The following TTC28 variants were observed in gnomAD, a reference collection of about 807,000 sequenced individuals.
TTC28 encodes the protein tetratricopeptide repeat protein 28.
Under a neutral mutation model 198.0 loss-of-function variants are expected in TTC28, and 61 were observed. The ratio of observed to expected loss-of-function variants is 0.31; its 90% CI spans 0.25 to 0.38. TTC28 has a LOEUF of 0.38. TTC28 is among the 10% of genes least tolerant of loss of function. The pLI is 1.00. For synonymous variants in TTC28, 1,171 were observed against 1,297.8 expected, an observed-to-expected ratio of 0.90 and a Z score of 2.10; for missense variants, 2,678 against 3,164.0, an observed-to-expected ratio of 0.85 and a Z score of 3.69.
chr22:28,226,724 G>A (rs571590827), intron 5 of TTC28, among the ~76,000 whole-genome samples: 2 of 152,236 alleles, frequency 1.3e-5, no homozygotes, highest in Non-Finnish European at 2.9e-5. Context: ...ACTGCACCCG[G>A]CTGATGTTGA....
intron 2 of TTC28, among the ~76,000 whole-genome samples, chr22:28,446,780 C>T (rs78918424): frequency 0.016 from 2,420 of 152,174 alleles, 85 homozygotes; most frequent in African/African-American, 0.056. Context: ...TCCTGTATAG[C>T]AATACAAAAA....
At position 28,107,300 on chromosome 22, in the gene TTC28, C is replaced by T. The variant is rs1164131571; in HGVS notation, c.2545G>A (p.Val849Met). ...AAGTAGCCAATGGCTTCTTCCATCA[C>T]ATTCATGTTCATCTTTGTGATGCCC... ...NMGITKMNMN[V>M]MEEAIGYFEQ... Residue 849 changes from valine (V) to methionine (M), a missense_variant, in exon 7 of 23, where the codon GTG (valine) becomes ATG (methionine). Val to Met is a conservative substitution (Grantham distance 21). This residue lies in a region of TTC28 where 775 missense variants were observed against 845.9 expected (regional missense o/e 0.92). Coordinates refer to ENST00000397906, the MANE Select transcript of TTC28 (RefSeq NM_001145418.2). 2 of 1,551,874 alleles carry T rather than the reference C, an allele frequency of 1.3e-6. No individual in the cohort carries two copies. Among genetic ancestry groups the T allele is most frequent in the Admixed American group, 2.0e-5 (1 of 51,018 alleles).
At chr22:27,990,193 G>A (rs1188027704) in intron 20 of TTC28, 186 bp from the exon 21 acceptor site, 3 of 786,328 alleles carry the variant, frequency 3.8e-6, no homozygotes, top group Admixed American at 6.7e-5. Flanking sequence ...TCTGTGGGAA[G>A]CTCATGGGGC....
chr22:28,153,762 A>G (rs756490063), intron 6 of TTC28, among the ~76,000 whole-genome samples: 32 of 152,350 alleles, frequency 2.1e-4, no homozygotes, highest in Non-Finnish European at 4.0e-4. Flanking sequence ...TTCTTTCCAA[A>G]TAAGTTACTT....
At chr22:28,167,706 C>T (rs1381200476) in intron 5 of TTC28, among the ~76,000 whole-genome samples, 2 of 152,134 alleles carry the variant, frequency 1.3e-5, no homozygotes, top group Non-Finnish European at 2.9e-5. Flanking sequence ...AAACCCACAG[C>T]CAATATCATA....
At chr22:28,622,252 G>C (rs530537568) in intron 2 of TTC28, among the ~76,000 whole-genome samples, 1 of 151,974 alleles carries the variant, frequency 6.6e-6, no homozygotes, top group African/African-American at 2.4e-5. Flanking sequence ...AGGGGGAAGG[G>C]GATTCCAGAA....
At chr22:28,132,526 G>A (rs1943083981) in intron 6 of TTC28, among the ~76,000 whole-genome samples, 1 of 152,158 alleles carries the variant, frequency 6.6e-6, no homozygotes, top group Non-Finnish European at 1.5e-5. Flanking sequence ...AGTAAAGTAA[G>A]AGTTAGACTG....
intron 14 of TTC28, among the ~76,000 whole-genome samples, chr22:28,004,597 C>A (rs1937858664): frequency 6.6e-6 from 1 of 152,180 alleles, no homozygotes; most frequent in South Asian, 2.1e-4. Context: ...CCAAATGGGA[C>A]CCCTGTCCAA....
At chr22:28,297,197 G>A (rs757224448) in intron 4 of TTC28, among the ~76,000 whole-genome samples, 4 of 151,914 alleles carry the variant, frequency 2.6e-5, no homozygotes, top group Non-Finnish European at 5.9e-5. Context: ...AGAGGCACTC[G>A]CTTTTTTTTT....
chr22:28,534,672 A>C (rs1234170421), intron 2 of TTC28, among the ~76,000 whole-genome samples: 2 of 152,264 alleles, frequency 1.3e-5, no homozygotes, highest in African/African-American at 4.8e-5. Context: ...CCAAATGTCC[A>C]TCAATGATAG....
At chr22:28,029,458 G>C (rs1938983435) in intron 13 of TTC28, among the ~76,000 whole-genome samples, 1 of 152,176 alleles carries the variant, frequency 6.6e-6, no homozygotes, top group Non-Finnish European at 1.5e-5. Flanking sequence ...TTTAAAGGCA[G>C]GCCTTCAGGC....
intron 12 of TTC28, among the ~76,000 whole-genome samples, chr22:28,081,063 T>A (rs1882998206): frequency 6.6e-6 from 1 of 151,942 alleles, no homozygotes; most frequent in Non-Finnish European, 1.5e-5. Flanking sequence ...TATGTCAGTA[T>A]CATATTGTTT....
chr22:28,206,344 C>T (rs1196084749), intron 5 of TTC28, among the ~76,000 whole-genome samples: 1 of 152,120 alleles, frequency 6.6e-6, no homozygotes, highest in Non-Finnish European at 1.5e-5. Context: ...AAGTTATGGT[C>T]CTACACACCT....
At chr22:28,611,635 T>C (rs1382016822) in intron 2 of TTC28, among the ~76,000 whole-genome samples, 1 of 147,746 alleles carries the variant, frequency 6.8e-6, no homozygotes, top group Non-Finnish European at 1.5e-5. Context: ...ATTAGGTATA[T>C]CTCCCAATGC....
chr22:28,401,288 G>A (rs1453566299), intron 2 of TTC28, among the ~76,000 whole-genome samples: 1 of 152,066 alleles, frequency 6.6e-6, no homozygotes, highest in East Asian at 1.9e-4. Context: ...TTTTCAGTGG[G>A]CTAAAGTCTC....
chr22:28,062,016 G>A (rs1373328435), intron 12 of TTC28, among the ~76,000 whole-genome samples: 1 of 151,950 alleles, frequency 6.6e-6, no homozygotes, highest in African/African-American at 2.4e-5. Context: ...TTGGCTCTCT[G>A]TTTGTCTGTT....
chr22:28,257,736 G>C (rs993152334), intron 5 of TTC28, among the ~76,000 whole-genome samples: 1 of 64,466 alleles, frequency 1.6e-5, no homozygotes, highest in Non-Finnish European at 2.7e-5. Flanking sequence ...GATGGTAATA[G>C]AACATATATA....
At chr22:28,381,051 A>C (rs769889458) in intron 2 of TTC28, among the ~76,000 whole-genome samples, 2 of 151,860 alleles carry the variant, frequency 1.3e-5, no homozygotes. Flanking sequence ...CTAGGTTTAC[A>C]GTTGTTAAAA....
intron 8 of TTC28, among the ~76,000 whole-genome samples, chr22:28,103,793 T>G (rs1309068555): frequency 6.6e-6 from 1 of 152,210 alleles, no homozygotes; most frequent in Non-Finnish European, 1.5e-5. Context: ...AACCAGCTGT[T>G]TCATGGAAAT....
Sources: gnomAD v4.1 joint callset for allele counts (sites outside exome capture counted in the v4.1 genomes callset) on GRCh38, gnomAD v4.1.1 for gene constraint, gnomAD v4.1.1 regional missense constraint, MANE v1.5 for transcripts, NCBI Gene and HGNC (gene_info 2026-07-23, HGNC 2026-07-21) for gene names.